The following NELL2 variants were observed in gnomAD, a reference collection of about 807,000 sequenced individuals.
NELL2 encodes the protein neural EGFL like 2.
Under a neutral mutation model 109.6 loss-of-function variants are expected in NELL2, and 41 were observed. That is an observed-to-expected ratio of 0.37 (90% CI 0.29 to 0.49). NELL2 has a LOEUF of 0.49. Among genes scored for constraint, NELL2 ranks in the 20% least tolerant of loss-of-function variants. NELL2 has a pLI of 0.98. For missense variants in NELL2, 900 were observed against 1,008.3 expected, an observed-to-expected ratio of 0.89 and a Z score of 1.45; for synonymous variants, 355 against 344.7, an observed-to-expected ratio of 1.03 and a Z score of -0.33.
intron 19 of NELL2, among the ~76,000 whole-genome samples, chr12:44,512,744 C>T (rs1160707128): frequency 1.3e-5 from 2 of 151,928 alleles, no homozygotes; most frequent in Admixed American, 1.3e-4. Context: ...CATGTTCTCT[C>T]TTATATGTTG....
intron 1 of NELL2, among the ~76,000 whole-genome samples, chr12:44,897,324 C>T (rs1198677867): frequency 6.6e-6 from 1 of 151,970 alleles, no homozygotes; most frequent in Non-Finnish European, 1.5e-5. Flanking sequence ...TTGGACTCCC[C>T]CGTAAGATGG....
chr12:44,820,043 T>A (rs1434625046), intron 2 of NELL2, among the ~76,000 whole-genome samples: 1 of 152,050 alleles, frequency 6.6e-6, no homozygotes, highest in Admixed American at 6.5e-5. Flanking sequence ...AGGACACAGA[T>A]GAAGATTTTT....
intron 1 of NELL2, among the ~76,000 whole-genome samples, chr12:44,899,893 C>T (rs1945640081): frequency 6.6e-6 from 1 of 152,112 alleles, no homozygotes; most frequent in East Asian, 1.9e-4. Context: ...CACACATAGG[C>T]TCAAAATAAA....
intron 12 of NELL2, among the ~76,000 whole-genome samples, chr12:44,701,864 A>T (rs1949239655): frequency 6.6e-6 from 1 of 151,990 alleles, no homozygotes; most frequent in African/African-American, 2.4e-5. Context: ...GGCTGAGCAT[A>T]TCACTCTCCT....
chr12:44,527,236 C>A (rs1409861191), intron 16 of NELL2, among the ~76,000 whole-genome samples: 3 of 152,036 alleles, frequency 2.0e-5, no homozygotes, highest in Non-Finnish European at 4.4e-5. Flanking sequence ...ATCAAAAGTT[C>A]AAAAAACTTC....
chr12:44,669,230 TC>T (rs1421311743), intron 12 of NELL2, among the ~76,000 whole-genome samples: 1 of 151,544 alleles, frequency 6.6e-6, no homozygotes, highest in Non-Finnish European at 1.5e-5. Flanking sequence ...TACGTACACA[TC>T]TATAGAAAAA....
intron 15 of NELL2, among the ~76,000 whole-genome samples, chr12:44,596,085 T>C: frequency 6.6e-6 from 1 of 152,202 alleles, no homozygotes; most frequent in East Asian, 1.9e-4. Context: ...TTTGTACCCA[T>C]CTGTTTCTCT....
intron 2 of NELL2, among the ~76,000 whole-genome samples, chr12:44,868,431 A>T (rs188151606): frequency 6.6e-6 from 1 of 152,312 alleles, no homozygotes; most frequent in African/African-American, 2.4e-5. Flanking sequence ...TCATTCATCC[A>T]TTGGTGACCA....
intron 13 of NELL2, among the ~76,000 whole-genome samples, chr12:44,662,939 T>C (rs1947799306): frequency 6.6e-6 from 1 of 152,174 alleles, no homozygotes; most frequent in Non-Finnish European, 1.5e-5. Flanking sequence ...GCAGTGATGG[T>C]TTGACATTCA....
intron 18 of NELL2, 61 bp from the exon 19 acceptor site, chr12:44,520,290 A>C: frequency 7.6e-7 from 1 of 1,307,744 alleles, no homozygotes. Context: ...GAGGGAGGCC[A>C]GGAAAAAGCA....
chr12:44,704,444 T>C (rs1592367491), intron 11 of NELL2, among the ~76,000 whole-genome samples: 1 of 152,206 alleles, frequency 6.6e-6, no homozygotes, highest in South Asian at 2.1e-4. Flanking sequence ...TTAGGAATTA[T>C]AGAGATTTCA....
chr12:44,588,662 T>C (rs997932617), intron 15 of NELL2, among the ~76,000 whole-genome samples: 4 of 152,232 alleles, frequency 2.6e-5, no homozygotes, highest in African/African-American at 9.6e-5. Flanking sequence ...ATCATTTATA[T>C]GCTTTCTTTC....
chr12:44,579,017 G>A (rs1268521356), intron 15 of NELL2, among the ~76,000 whole-genome samples: 1 of 152,066 alleles, frequency 6.6e-6, no homozygotes, highest in Non-Finnish European at 1.5e-5. Context: ...CAGGTTTGGA[G>A]CTCAGAGAAC....
Position 44,727,762 on chromosome 12 carries a change from G to A in NELL2, c.995-13021C>T, listed in dbSNP as rs147831160. Among the ~76,000 whole-genome samples the A allele has an allele frequency of 3.2e-4, 49 of 152,002 alleles. No individual in the cohort carries two copies. The East Asian group carries it at 9.1e-3, about 28-fold the overall frequency. ...TGACAGCTATGCTAAATGAAACATCGAGGTTAAAATGTTAAACACATTATA... is the reference window on the plus strand; with the variant it reads ...TGACAGCTATGCTAAATGAAACATCAAGGTTAAAATGTTAAACACATTATA... On this transcript the variant is annotated intron_variant, in intron 9 of 19. Coordinates refer to ENST00000429094, the MANE Select transcript of NELL2 (RefSeq NM_001145108.2).
intron 2 of NELL2, among the ~76,000 whole-genome samples, chr12:44,826,453 C>T (rs974898582): frequency 6.6e-6 from 1 of 152,136 alleles, no homozygotes; most frequent in African/African-American, 2.4e-5. Context: ...ACTCTTCCTT[C>T]AATATGCTCA....
At chr12:44,603,364 T>G (rs913490689) in intron 15 of NELL2, among the ~76,000 whole-genome samples, 1 of 152,164 alleles carries the variant, frequency 6.6e-6, no homozygotes, top group Admixed American at 6.6e-5. Context: ...TCAAATCTTT[T>G]AGAGTTATGC....
intron 15 of NELL2, among the ~76,000 whole-genome samples, chr12:44,560,078 C>A (rs1943411095): frequency 6.6e-6 from 1 of 152,148 alleles, no homozygotes; most frequent in Non-Finnish European, 1.5e-5. Context: ...AGAGTGACTA[C>A]TGGGTAAATA....
At chr12:44,578,189 A>AT (rs902586594) in intron 15 of NELL2, among the ~76,000 whole-genome samples, 88 of 48,002 alleles carry the variant, frequency 1.8e-3, no homozygotes, top group Non-Finnish European at 3.8e-3. Context: ...TTTAACAATT[A>AT]TTTTTTTTTT....
intron 9 of NELL2, among the ~76,000 whole-genome samples, chr12:44,754,086 A>C (rs973003164): frequency 2.0e-5 from 3 of 152,250 alleles, no homozygotes; most frequent in East Asian, 1.9e-4. Flanking sequence ...AATTAAGAGA[A>C]TATTGGGAGA....
Sources: allele counts gnomAD v4.1 joint callset (sites outside exome capture counted in the v4.1 genomes callset), GRCh38; gene constraint gnomAD v4.1.1; transcripts MANE v1.5; gene names NCBI Gene and HGNC (gene_info 2026-07-23, HGNC 2026-07-21).